Variants in DAB1 observed in about 807,000 individuals in gnomAD.
DAB1 encodes disabled homolog 1.
DAB1 carries 15 observed loss-of-function variants against 64.6 expected under a neutral mutation model. The observed-to-expected ratio is 0.23, with a 90% CI of 0.16 to 0.36. The LOEUF (loss-of-function observed/expected upper bound fraction) is 0.36. Among genes scored for constraint, DAB1 ranks in the 10% least tolerant of loss-of-function variants. The pLI, the probability that DAB1 is intolerant of heterozygous loss-of-function variation, is 1.00. For missense variants in DAB1, 596 were observed against 706.7 expected, an observed-to-expected ratio of 0.84 and a Z score of 1.78; for synonymous variants, 235 against 251.9, an observed-to-expected ratio of 0.93 and a Z score of 0.64.
At chr1:58,172,460 T>C (rs1401504999) in intron 4 of DAB1, among the ~76,000 whole-genome samples, 3 of 152,234 alleles carry the variant, frequency 2.0e-5, no homozygotes, top group African/African-American at 7.2e-5. Context: ...AGGAAGTTTA[T>C]GGCTATCAGA....
At chr1:57,746,745 T>C (rs1270956659) in intron 6 of DAB1, among the ~76,000 whole-genome samples, 1 of 152,232 alleles carries the variant, frequency 6.6e-6, no homozygotes, top group Non-Finnish European at 1.5e-5. Context: ...TGTTATATTG[T>C]ATCATTTTTA....
chr1:58,116,973 C>T (rs539888602), intron 5 of DAB1, among the ~76,000 whole-genome samples: 286 of 152,222 alleles, frequency 1.9e-3, no homozygotes, highest in Non-Finnish European at 3.3e-3. Flanking sequence ...ATTGTCTTTG[C>T]GAGTGGACTT....
At chr1:57,566,917 C>A (rs1645129560) in intron 7 of DAB1, among the ~76,000 whole-genome samples, 1 of 152,196 alleles carries the variant, frequency 6.6e-6, no homozygotes, top group Non-Finnish European at 1.5e-5. Flanking sequence ...TCCTCCCTAA[C>A]TCATTTTTTG....
intron 5 of DAB1, among the ~76,000 whole-genome samples, chr1:57,936,198 T>C (rs924873305): frequency 6.6e-6 from 1 of 152,184 alleles, no homozygotes; most frequent in African/African-American, 2.4e-5. Flanking sequence ...CAGCAGTAAC[T>C]CACATGTTTG....
intron 5 of DAB1, among the ~76,000 whole-genome samples, chr1:58,063,098 G>C (rs569677428): frequency 6.6e-6 from 1 of 152,264 alleles, no homozygotes; most frequent in South Asian, 2.1e-4. Context: ...GGGCTCTCTG[G>C]TCCTTCACCA....
intron 2 of DAB1, among the ~76,000 whole-genome samples, chr1:57,171,359 C>T (rs1164879619): frequency 6.6e-6 from 1 of 152,200 alleles, no homozygotes; most frequent in Non-Finnish European, 1.5e-5. Flanking sequence ...CAATGCAAAT[C>T]ACTGAGGATG....
chr1:57,451,031 G>C (rs1045345247), intron 7 of DAB1, among the ~76,000 whole-genome samples: 1 of 152,270 alleles, frequency 6.6e-6, no homozygotes, highest in South Asian at 2.1e-4. Context: ...TTTCGTATCA[G>C]CCAGATTTAA....
chr1:57,834,551 G>A (rs1652725745), intron 1 of DAB1, among the ~76,000 whole-genome samples: 1 of 151,988 alleles, frequency 6.6e-6, no homozygotes, highest in South Asian at 2.1e-4. Flanking sequence ...TTCAGTCTGT[G>A]AAGGGAATAT....
Position 57,356,705 on chromosome 1 carries a change from G to A in DAB1, c.-136-65539C>T, listed in dbSNP as rs1679136074. Among the ~76,000 whole-genome samples the A allele has an allele frequency of 2.0e-5, 3 of 152,030 alleles. 1 individual carries two copies. The highest frequency in any genetic ancestry group is 2.0e-4 in the Admixed American group (3 of 15,246). ...TGCTTTTCAAACGATGCAGTTTGTA[G>A]GAACAAAGCTCAGCTGTGGCCAAAT... On this transcript the variant is annotated intron_variant, in intron 1 of 14. Coordinates refer to ENST00000371236, the MANE Select transcript of DAB1 (RefSeq NM_001365792.1).
intron 2 of DAB1, among the ~76,000 whole-genome samples, chr1:57,173,181 G>A (rs1381667345): frequency 6.6e-6 from 1 of 152,070 alleles, no homozygotes; most frequent in African/African-American, 2.4e-5. Flanking sequence ...AAGTAAGGAT[G>A]GTATTAAAGC....
At chr1:57,232,310 GA>G (rs1427634100) in intron 2 of DAB1, among the ~76,000 whole-genome samples, 2 of 53,838 alleles carry the variant, frequency 3.7e-5, no homozygotes, top group African/African-American at 1.3e-4. Flanking sequence ...TTTTTTGCAC[GA>G]ACCTCATTGA....
At chr1:57,845,278 T>C (rs1360785961) in intron 1 of DAB1, among the ~76,000 whole-genome samples, 1 of 152,132 alleles carries the variant, frequency 6.6e-6, no homozygotes, top group African/African-American at 2.4e-5. Context: ...CTGTGAAGTG[T>C]TTAATTTTGT....
At chr1:57,511,070 G>A (rs1202362865) in intron 7 of DAB1, among the ~76,000 whole-genome samples, 1 of 152,066 alleles carries the variant, frequency 6.6e-6, no homozygotes, top group South Asian at 2.1e-4. Flanking sequence ...CCTCTTAAAA[G>A]CAAACCAAAG....
At chr1:58,353,169 A>G (rs982688430) in intron 3 of DAB1, among the ~76,000 whole-genome samples, 1 of 152,072 alleles carries the variant, frequency 6.6e-6, no homozygotes, top group Non-Finnish European at 1.5e-5. Context: ...GTGTTTTGAA[A>G]TATTTTTTTC....
chr1:57,414,369 A>G (rs1181026471), intron 1 of DAB1, among the ~76,000 whole-genome samples: 3 of 152,248 alleles, frequency 2.0e-5, no homozygotes, highest in Non-Finnish European at 4.4e-5. Flanking sequence ...CAGCAAAAAG[A>G]TTATGACTTG....
chr1:57,252,806 C>G (rs1669452765), intron 2 of DAB1, among the ~76,000 whole-genome samples: 1 of 152,116 alleles, frequency 6.6e-6, no homozygotes, highest in African/African-American at 2.4e-5. Context: ...GGCTGGAGTA[C>G]AGTTATGAAA....
At chr1:57,239,282 T>C (rs1175402963) in intron 2 of DAB1, among the ~76,000 whole-genome samples, 1 of 152,232 alleles carries the variant, frequency 6.6e-6, no homozygotes, top group Non-Finnish European at 1.5e-5. Flanking sequence ...AGTCATCTTT[T>C]ATCCCATCAC....
intron 2 of DAB1, among the ~76,000 whole-genome samples, chr1:57,223,582 G>T (rs544465506): frequency 1.3e-5 from 2 of 152,280 alleles, no homozygotes; most frequent in South Asian, 4.1e-4. Context: ...TAACTGAGTG[G>T]ATGGAAGCCA....
chr1:58,299,348 G>T (rs1439142238), intron 4 of DAB1, among the ~76,000 whole-genome samples: 1 of 152,174 alleles, frequency 6.6e-6, no homozygotes, highest in Non-Finnish European at 1.5e-5. Flanking sequence ...TACTTCAGTG[G>T]TATCTAAGTA....
Sources: gnomAD v4.1 joint callset for allele counts (sites outside exome capture counted in the v4.1 genomes callset) on GRCh38, gnomAD v4.1.1 for gene constraint, MANE v1.5 for transcripts, NCBI Gene and HGNC (gene_info 2026-07-23, HGNC 2026-07-21) for gene names.